Variants in DNM3 observed in about 807,000 individuals in gnomAD.
The protein encoded by DNM3 is dynamin 3, also known as dynamin-3.
DNM3 carries 47 observed loss-of-function variants against 101.6 expected under a neutral mutation model. That is an observed-to-expected ratio of 0.46 (90% confidence interval 0.37 to 0.59). The LOEUF (loss-of-function observed/expected upper bound fraction) is 0.59, where lower values mean the gene tolerates loss of function less well. Ranked by LOEUF, DNM3 falls within the 20% of genes least tolerant of loss-of-function variation. The pLI is 0.00. For synonymous variants in DNM3, 385 were observed against 387.9 expected (o/e 0.99, Z 0.09); for missense variants, 849 against 1,085.7 (o/e 0.78, Z 3.06).
At chr1:172,084,843 A>G (rs914591184) in intron 12 of DNM3, among the ~76,000 whole-genome samples, 4 of 152,166 alleles carry the variant, frequency 2.6e-5, no homozygotes, top group African/African-American at 9.6e-5. Flanking sequence ...GGTGATGTAC[A>G]TAGTACTTTA....
intron 14 of DNM3, among the ~76,000 whole-genome samples, chr1:172,176,244 C>A (rs1366075499): frequency 6.6e-6 from 1 of 151,674 alleles, no homozygotes; most frequent in Non-Finnish European, 1.5e-5. Flanking sequence ...AGAGAAGATA[C>A]AATTTTTCTG....
chr1:171,864,911 C>A (rs552255265), intron 1 of DNM3, among the ~76,000 whole-genome samples: 1 of 151,534 alleles, frequency 6.6e-6, no homozygotes, highest in East Asian at 1.9e-4. Context: ...GAATGAGAAT[C>A]TTTTTGTGAG....
intron 13 of DNM3, among the ~76,000 whole-genome samples, chr1:172,093,494 T>TA (rs2054049300): frequency 6.6e-6 from 1 of 152,208 alleles, no homozygotes; most frequent in Non-Finnish European, 1.5e-5. Flanking sequence ...ATAATGAATA[T>TA]TTGCATTGTT....
At chr1:172,013,840 G>A (rs1000322027) in intron 4 of DNM3, among the ~76,000 whole-genome samples, 1 of 151,848 alleles carries the variant, frequency 6.6e-6, no homozygotes, top group African/African-American at 2.4e-5. Context: ...AAATGAAGCT[G>A]GTGAGATCAC....
At chr1:171,942,896 G>C (rs533949840) in intron 2 of DNM3, among the ~76,000 whole-genome samples, 1 of 152,220 alleles carries the variant, frequency 6.6e-6, no homozygotes, top group South Asian at 2.1e-4. Context: ...AGGACTGCTT[G>C]TGTTCAGGAG....
chr1:172,214,574 TAA>T (rs1468609740), intron 14 of DNM3, among the ~76,000 whole-genome samples: 2 of 152,158 alleles, frequency 1.3e-5, no homozygotes, highest in African/African-American at 4.8e-5. Context: ...AAAGCTGTAC[TAA>T]ACATAATTAG....
intron 1 of DNM3, among the ~76,000 whole-genome samples, chr1:171,842,140 C>T (rs2031322581): frequency 6.6e-6 from 1 of 152,136 alleles, no homozygotes; most frequent in Non-Finnish European, 1.5e-5. Flanking sequence ...ACCCCCACCC[C>T]CTCGGTGCGC....
intron 15 of DNM3, among the ~76,000 whole-genome samples, chr1:172,258,785 T>G (rs1029564940): frequency 1.3e-5 from 2 of 152,024 alleles, no homozygotes; most frequent in Non-Finnish European, 2.9e-5. Context: ...TTCCTTCTAT[T>G]AATTCTGGGT....
intron 2 of DNM3, among the ~76,000 whole-genome samples, chr1:171,931,222 G>A (rs1038439500): frequency 1.3e-5 from 2 of 152,152 alleles, no homozygotes; most frequent in African/African-American, 4.8e-5. Context: ...TGTTAAGATG[G>A]CAATGCCTTA....
chr1:172,343,582 G>C (rs1460236046), intron 17 of DNM3, among the ~76,000 whole-genome samples: 2 of 152,106 alleles, frequency 1.3e-5, no homozygotes, highest in Non-Finnish European at 2.9e-5. Context: ...TATGATATGT[G>C]GTTTTGAGTT....
At chr1:171,863,110 T>G (rs1394759867) in intron 1 of DNM3, among the ~76,000 whole-genome samples, 1 of 151,730 alleles carries the variant, frequency 6.6e-6, no homozygotes, top group East Asian at 1.9e-4. Context: ...TGGGAGATAT[T>G]AGAGCATTTT....
intron 2 of DNM3, among the ~76,000 whole-genome samples, chr1:171,954,599 A>G (rs1244548159): frequency 1.3e-5 from 2 of 152,224 alleles, no homozygotes; most frequent in African/African-American, 4.8e-5. Flanking sequence ...CACAGCTGAT[A>G]CGCAGTTCCC....
intron 14 of DNM3, among the ~76,000 whole-genome samples, chr1:172,227,271 G>GAGATATATATATAT (rs1553200054): frequency 1.0e-4 from 8 of 78,028 alleles, no homozygotes; most frequent in African/African-American, 3.8e-4. Flanking sequence ...AGTATTTTGT[G>GAGATATATATATAT]ATATATATAT....
chr1:172,394,114 T>C (rs2069763667), intron 20 of DNM3: 1 of 152,220 alleles, frequency 6.6e-6, no homozygotes, highest in Non-Finnish European at 1.5e-5. Flanking sequence ...AGTGAATCAA[T>C]GGTTAATGTC....
At position 172,401,981 on chromosome 1, in the gene DNM3, C is replaced by T. The variant is rs985219276; in HGVS notation, c.2523-5791C>T. On this transcript the variant is annotated intron_variant, in intron 20 of 20. Coordinates refer to ENST00000627582, the MANE Select transcript of DNM3 (RefSeq NM_015569.5). Reference sequence around the variant, plus strand: ...AGTAGGGGTCCTGCATCACAGCTGCCTTCCATTTTACCTAGAAGTGTGCTC... The same window carrying T: ...AGTAGGGGTCCTGCATCACAGCTGCTTTCCATTTTACCTAGAAGTGTGCTC... Among the ~76,000 whole-genome samples the T allele has an allele frequency of 7.2e-5, 11 of 152,120 alleles. 1 individual carries two copies. The highest frequency in any genetic ancestry group is 5.9e-5 in the Non-Finnish European group (4 of 68,024).
At chr1:171,905,368 G>A (rs1400240328) in intron 1 of DNM3, among the ~76,000 whole-genome samples, 2 of 151,976 alleles carry the variant, frequency 1.3e-5, no homozygotes, top group Non-Finnish European at 2.9e-5. Flanking sequence ...ATAATTCTTG[G>A]CTTCTTAATT....
chr1:172,128,461 A>C (rs2056760541), intron 13 of DNM3, among the ~76,000 whole-genome samples: 1 of 152,222 alleles, frequency 6.6e-6, no homozygotes. Context: ...GTTCAATAAA[A>C]ATATAATGTA....
Position 172,076,672 on chromosome 1 carries a change from G to A in DNM3, c.1423-5160G>A, listed in dbSNP as rs558385171. On this transcript the variant is annotated intron_variant, in intron 11 of 20. Coordinates refer to ENST00000627582, the MANE Select transcript of DNM3 (RefSeq NM_015569.5). ...TGAGTCTCAGGGATGAAGCCGACTTGATCATGGTGGAGAAGCTTTTTGATG... is the reference window on the plus strand; with the variant it reads ...TGAGTCTCAGGGATGAAGCCGACTTAATCATGGTGGAGAAGCTTTTTGATG... Among the ~76,000 whole-genome samples the A allele has an allele frequency of 3.3e-5, 5 of 152,274 alleles. No individual in the cohort carries two copies. In the East Asian group the frequency reaches 9.6e-4, roughly 29 times the overall value.
chr1:172,198,072 G>GGTATGTCC (rs1461064691), intron 14 of DNM3, among the ~76,000 whole-genome samples: 1 of 152,028 alleles, frequency 6.6e-6, no homozygotes, highest in East Asian at 1.9e-4. Context: ...ATTGTTTTGA[G>GGTATGTCC]GTATGTCCTT....
Sources: allele counts gnomAD v4.1 joint callset (sites outside exome capture counted in the v4.1 genomes callset), GRCh38; gene constraint gnomAD v4.1.1; transcripts MANE v1.5; gene names NCBI Gene and HGNC (gene_info 2026-07-23, HGNC 2026-07-21).